Variants in ANXA8 observed in about 807,000 individuals in gnomAD.
The protein encoded by ANXA8 is annexin A8, also known as VAC-beta.
In ANXA8, 9 loss-of-function variants were observed where a neutral mutation model predicts 26.8. The ratio of observed to expected loss-of-function variants is 0.34; its 90% CI spans 0.20 to 0.59. The LOEUF (loss-of-function observed/expected upper bound fraction) is 0.59. Ranked by LOEUF, ANXA8 falls within the 20% of genes least tolerant of loss-of-function variation. ANXA8 has a pLI of 0.84. For missense variants in ANXA8, 83 were observed against 238.5 expected, an observed-to-expected ratio of 0.35 and a Z score of 4.29; for synonymous variants, 39 against 94.8, an observed-to-expected ratio of 0.41 and a Z score of 3.42.
At chr10:47,681,309 G>T in the ANXA8 span, among the ~76,000 whole-genome samples, 1 of 151,610 alleles carries the variant, frequency 6.6e-6, no homozygotes, top group Non-Finnish European at 1.5e-5. Flanking sequence ...GTTGTTATTT[G>T]CTGAGTATGA....
chr10:47,624,060 C>T, the ANXA8 span, among the ~76,000 whole-genome samples: 1 of 100,968 alleles, frequency 9.9e-6, no homozygotes, highest in African/African-American at 4.0e-5. Context: ...CATGGTGAAA[C>T]CCGGTCTCTA....
chr10:47,636,672 G>A, the ANXA8 span, among the ~76,000 whole-genome samples: 3 of 151,492 alleles, frequency 2.0e-5, no homozygotes, highest in Non-Finnish European at 4.4e-5. Context: ...ATATTTTTAA[G>A]AATTCAGCCT....
the ANXA8 span, among the ~76,000 whole-genome samples, chr10:47,730,670 T>C: frequency 1.7e-4 from 25 of 150,376 alleles, no homozygotes; most frequent in East Asian, 3.4e-3. Flanking sequence ...GATCTACCAG[T>C]CAAGGCAATA....
chr10:47,555,423 A>G, the ANXA8 span, among the ~76,000 whole-genome samples: 10 of 151,428 alleles, frequency 6.6e-5, no homozygotes, highest in Non-Finnish European at 1.2e-4. Context: ...TGCTCCTCCT[A>G]TACTTCCTAC....
At chr10:47,622,382 T>C in the ANXA8 span, among the ~76,000 whole-genome samples, 1 of 107,856 alleles carries the variant, frequency 9.3e-6, no homozygotes, top group Non-Finnish European at 2.0e-5. Context: ...GATTTTATTC[T>C]GTACATCACA....
At chr10:47,491,765 G>A in the ANXA8 span, 5 of 1,534,802 alleles carry the variant, frequency 3.3e-6, no homozygotes, top group East Asian at 2.5e-5. Context: ...AGGCTCTGGG[G>A]CAATAAGCCC....
At chr10:47,696,495 A>G in the ANXA8 span, 3 of 1,348,790 alleles carry the variant, frequency 2.2e-6, no homozygotes, top group Non-Finnish European at 3.0e-6. Context: ...TTATTCATCT[A>G]TTCAGCCTGA....
At chr10:47,776,541 G>A in the ANXA8 span, among the ~76,000 whole-genome samples, 1 of 151,870 alleles carries the variant, frequency 6.6e-6, no homozygotes, top group African/African-American at 2.4e-5. Flanking sequence ...ATGTAAGATG[G>A]TGGCTTCATC....
At chr10:47,572,305 TA>T in the ANXA8 span, among the ~76,000 whole-genome samples, 2 of 146,154 alleles carry the variant, frequency 1.4e-5, no homozygotes, top group African/African-American at 5.2e-5. Flanking sequence ...CATCCCCTTA[TA>T]TCTCTGTGCA....
the ANXA8 span, among the ~76,000 whole-genome samples, chr10:47,969,294 C>T: frequency 6.6e-6 from 1 of 151,584 alleles, no homozygotes; most frequent in Admixed American, 6.6e-5. Flanking sequence ...GTGTATTGTA[C>T]TCCCCACCTC....
the ANXA8 span, among the ~76,000 whole-genome samples, chr10:47,703,067 A>G: frequency 9.3e-5 from 14 of 150,688 alleles, no homozygotes; most frequent in African/African-American, 3.2e-4. Flanking sequence ...GCAAGAGCCA[A>G]CCTGAAGGAA....
At chr10:47,564,530 C>A in the ANXA8 span, 1 of 586,482 alleles carries the variant, frequency 1.7e-6, no homozygotes, top group Non-Finnish European at 3.0e-6. Flanking sequence ...ATGACCAGAG[C>A]ACGCGGCCGC....
the ANXA8 span, among the ~76,000 whole-genome samples, chr10:47,673,824 A>G: frequency 6.6e-6 from 1 of 150,546 alleles, no homozygotes; most frequent in African/African-American, 2.5e-5. Flanking sequence ...AACACCTTAT[A>G]TTAGTATGGT....
chr10:47,898,810 G>GCTTTT, the ANXA8 span, among the ~76,000 whole-genome samples: 1 of 21,056 alleles, frequency 4.7e-5, no homozygotes, highest in Admixed American at 5.2e-4. Flanking sequence ...AAAGAGAATG[G>GCTTTT]ATTTTTTTTT....
At chr10:47,488,252 C>T (rs2132450171), upstream of ANXA8, among the ~76,000 whole-genome samples, 1 of 140,690 alleles carries the variant, frequency 7.1e-6, no homozygotes, top group South Asian at 2.4e-4. Context: ...GCTCTGTCAC[C>T]CAGGCTGGAG....
At chr10:47,735,104 G>GTTTT in the ANXA8 span, among the ~76,000 whole-genome samples, 1 of 149,380 alleles carries the variant, frequency 6.7e-6, no homozygotes, top group African/African-American at 2.5e-5. Context: ...GTTTTGTTTT[G>GTTTT]TTTTGCCTTT....
the ANXA8 span, among the ~76,000 whole-genome samples, chr10:47,554,004 G>T: frequency 6.7e-6 from 1 of 148,740 alleles, no homozygotes; most frequent in Non-Finnish European, 1.5e-5. Flanking sequence ...AGAAGCGGTG[G>T]ATCACGCCTG....
the ANXA8 span, among the ~76,000 whole-genome samples, chr10:47,552,982 C>T: frequency 6.6e-6 from 1 of 151,946 alleles, no homozygotes; most frequent in East Asian, 1.9e-4. Flanking sequence ...CTCACAGACA[C>T]ACACACGAGC....
chr10:47,562,819 G>A, the ANXA8 span, among the ~76,000 whole-genome samples: 1 of 150,270 alleles, frequency 6.7e-6, no homozygotes, highest in East Asian at 1.9e-4. Context: ...CAGTGGGTGA[G>A]GAGAATAACA....
Sources: allele counts gnomAD v4.1 joint callset (sites outside exome capture counted in the v4.1 genomes callset), GRCh38; gene constraint gnomAD v4.1.1; transcripts MANE v1.5; gene names NCBI Gene and HGNC (gene_info 2026-07-23, HGNC 2026-07-21).